Variants in CDH8 observed in about 807,000 individuals in gnomAD.
CDH8 encodes the protein cadherin 8.
Under a neutral mutation model 68.1 loss-of-function variants are expected in CDH8, and 17 were observed. That is an observed-to-expected ratio of 0.25 (90% CI 0.17 to 0.37). CDH8 has a LOEUF of 0.37. CDH8 is among the 10% of genes least tolerant of loss of function. The pLI, the probability that CDH8 is intolerant of heterozygous loss-of-function variation, is 1.00. For synonymous variants in CDH8, 372 were observed against 365.1 expected, an observed-to-expected ratio of 1.02 and a Z score of -0.21; for missense variants, 763 against 999.3, an observed-to-expected ratio of 0.76 and a Z score of 3.19.
At chr16:61,915,764 C>G (rs1964229583) in intron 2 of CDH8, among the ~76,000 whole-genome samples, 1 of 152,142 alleles carries the variant, frequency 6.6e-6, no homozygotes. Flanking sequence ...TCTGACGTCA[C>G]CATACTCCCC....
At chr16:62,012,735 T>G (rs1359018994) in intron 2 of CDH8, among the ~76,000 whole-genome samples, 2 of 152,234 alleles carry the variant, frequency 1.3e-5, no homozygotes, top group Non-Finnish European at 2.9e-5. Context: ...ATATATTTCC[T>G]TACAGGTTCT....
chr16:61,748,512 AG>A (rs1272470760), intron 8 of CDH8, among the ~76,000 whole-genome samples: 2 of 152,052 alleles, frequency 1.3e-5, no homozygotes. Flanking sequence ...TTATATTCAT[AG>A]ATACTTAGAA....
chr16:61,932,196 A>G (rs1468609776), intron 2 of CDH8, among the ~76,000 whole-genome samples: 2 of 149,154 alleles, frequency 1.3e-5, no homozygotes, highest in Non-Finnish European at 3.0e-5. Flanking sequence ...CCACAGAGCA[A>G]AACTCCGTCT....
chr16:61,860,827 T>A lies in CDH8; in HGVS notation c.548-3589A>T, dbSNP rs1440784128. Among the ~76,000 whole-genome samples the A allele has an allele frequency of 2.6e-5, 4 of 152,160 alleles. No individual in the cohort carries two copies. In the East Asian group the frequency reaches 7.7e-4, roughly 29 times the overall value. On this transcript the variant is annotated intron_variant, in intron 3 of 11. Transcript: ENST00000577390. ...ATGCCTTCACAGAGAAAAAAACATA[T>A]CCAAATATTTTCTGAAAAACCGTGT... is the stretch of plus-strand genomic sequence containing the variant.
At chr16:61,898,688 C>T (rs1963913130) in intron 3 of CDH8, among the ~76,000 whole-genome samples, 1 of 151,776 alleles carries the variant, frequency 6.6e-6, no homozygotes, top group Non-Finnish European at 1.5e-5. Flanking sequence ...GGAGAGTGGT[C>T]GAAAGAAAGA....
intron 10 of CDH8, among the ~76,000 whole-genome samples, chr16:61,703,756 C>T (rs953477522): frequency 7.2e-5 from 11 of 152,158 alleles, no homozygotes; most frequent in Middle Eastern, 6.8e-3. Context: ...AGGAGAATGG[C>T]GTGAACCCGG....
At chr16:61,717,185 C>T (rs1260433862) in intron 9 of CDH8, among the ~76,000 whole-genome samples, 1 of 151,534 alleles carries the variant, frequency 6.6e-6, no homozygotes, top group African/African-American at 2.4e-5. Flanking sequence ...TAGTATGCAA[C>T]TGAAAAATCT....
At chr16:61,688,837 C>T (rs1039709858) in intron 10 of CDH8, among the ~76,000 whole-genome samples, 16 of 151,876 alleles carry the variant, frequency 1.1e-4, no homozygotes, top group Admixed American at 7.2e-4. Flanking sequence ...ATCTTCAAAG[C>T]GATGTTTTCA....
chr16:61,838,417 C>T (rs546779576), intron 4 of CDH8, among the ~76,000 whole-genome samples: 3 of 152,224 alleles, frequency 2.0e-5, no homozygotes, highest in Non-Finnish European at 4.4e-5. Context: ...TCAATAAACA[C>T]TCACTGATTA....
chr16:61,773,492 T>C lies in CDH8; in HGVS notation c.1414+15854A>G, dbSNP rs540519110. 2.0e-5 allele frequency among the ~76,000 whole-genome samples: 3 copies of C among 152,210 alleles called. No individual in the cohort carries two copies. In the East Asian group the frequency reaches 5.8e-4, roughly 29 times the overall value. Reference sequence around the variant, plus strand: ...GTATTTGTGTATTGTTTATAAAATTTTAGAGAAATAATACAGATGTGAGAA... The same window carrying C: ...GTATTTGTGTATTGTTTATAAAATTCTAGAGAAATAATACAGATGTGAGAA... On this transcript the variant is annotated intron_variant, in intron 8 of 11. Coordinates refer to ENST00000577390, the MANE Select transcript of CDH8 (RefSeq NM_001796.5).
At position 61,713,131 on chromosome 16, in the gene CDH8, T is replaced by C. The variant is rs149509488; in HGVS notation, c.1654+710A>G. ...AAATCAAGTTTTAAATTTTTTTTAA[T>C]ATATGGCTGCTTAGAAAATAAAAAT... On this transcript the variant is annotated intron_variant, in intron 10 of 11. Coordinates refer to ENST00000577390, the MANE Select transcript of CDH8 (RefSeq NM_001796.5). 7.0e-3 allele frequency among the ~76,000 whole-genome samples: 1,063 copies of C among 151,800 alleles called. 15 individuals are homozygous for C. The highest frequency in any genetic ancestry group is 0.025 in the African/African-American group (1,023 of 41,514).
intron 2 of CDH8, among the ~76,000 whole-genome samples, chr16:61,954,718 G>T (rs1434384610): frequency 7.0e-6 from 1 of 143,320 alleles, no homozygotes. Flanking sequence ...AAAAAAAAAA[G>T]AAAGAAAGAA....
chr16:61,763,602 A>G (rs1418204901), intron 8 of CDH8, among the ~76,000 whole-genome samples: 1 of 152,184 alleles, frequency 6.6e-6, no homozygotes, highest in Non-Finnish European at 1.5e-5. Context: ...TCAATTCTGT[A>G]GAAGTGTGCA....
chr16:61,851,198 A>G (rs992163564), intron 4 of CDH8, among the ~76,000 whole-genome samples: 1 of 151,944 alleles, frequency 6.6e-6, no homozygotes, highest in Admixed American at 6.6e-5. Context: ...TTCCATGAAG[A>G]CTCCATGTAT....
Position 62,021,504 on chromosome 16 carries a change from T to A in CDH8, c.-101A>T. Reference sequence around the variant, plus strand: ...TCATCATGCAGTGCCGAGCATTTACTTACAGCTCTGCCACGTGTCTATAGC... The same window carrying A: ...TCATCATGCAGTGCCGAGCATTTACATACAGCTCTGCCACGTGTCTATAGC... On this transcript the variant is annotated 5_prime_UTR_variant, in exon 2 of 12. The change creates a new upstream start codon in the 5' untranslated region. Coordinates refer to ENST00000577390, the MANE Select transcript of CDH8 (RefSeq NM_001796.5). 6.6e-7 allele frequency: 1 copy of A among 1,509,082 alleles called. No individual in the cohort carries two copies. The highest frequency in any genetic ancestry group is 8.8e-7 in the Non-Finnish European group (1 of 1,133,834). 93.5% of individuals were successfully genotyped at this position (1,509,082 alleles called of 1,614,324 possible). A position where few individuals can be genotyped will look rare whatever the true frequency, so the allele number is the denominator to read the frequency against.
intron 2 of CDH8, among the ~76,000 whole-genome samples, chr16:62,009,731 C>T (rs1901761100): frequency 6.6e-6 from 1 of 152,194 alleles, no homozygotes; most frequent in African/African-American, 2.4e-5. Context: ...AGAATCATTA[C>T]ACTCTGGTCA....
chr16:61,720,658 A>C (rs552261067), intron 9 of CDH8, among the ~76,000 whole-genome samples: 58 of 150,924 alleles, frequency 3.8e-4, no homozygotes, highest in African/African-American at 1.4e-3. Flanking sequence ...TTTTTTAAAA[A>C]AATTTAACCC....
chr16:61,706,634 A>AAAAAAAAAAAAAAAAAAAAAC, intron 10 of CDH8, among the ~76,000 whole-genome samples: 1 of 151,260 alleles, frequency 6.6e-6, no homozygotes. Context: ...AAAAAAAAAA[A>AAAAAAAAAAAAAAAAAAAAAC]AAAAAAAAAA....
chr16:61,703,196 T>G (rs1964464838), intron 10 of CDH8, among the ~76,000 whole-genome samples: 1 of 152,168 alleles, frequency 6.6e-6, no homozygotes, highest in Admixed American at 6.5e-5. Flanking sequence ...AGATTATTCT[T>G]TGGGGAAATT....
Sources: allele counts gnomAD v4.1 joint callset (sites outside exome capture counted in the v4.1 genomes callset), GRCh38; gene constraint gnomAD v4.1.1; transcripts MANE v1.5; gene names NCBI Gene and HGNC (gene_info 2026-07-23, HGNC 2026-07-21).